Variants in NEUROD1 observed in about 807,000 individuals in gnomAD.
The protein encoded by NEUROD1 is neuronal differentiation 1.
NEUROD1 carries 9 observed loss-of-function variants against 21.8 expected under a neutral mutation model. The ratio of observed to expected loss-of-function variants is 0.41; its 90% CI spans 0.25 to 0.72. NEUROD1 has a LOEUF of 0.72. NEUROD1 is among the 30% of genes least tolerant of loss of function. The pLI is 0.31. For missense variants in NEUROD1, 434 were observed against 468.8 expected (o/e 0.93, Z 0.69); for synonymous variants, 199 against 186.2 (o/e 1.07, Z -0.56).
downstream of NEUROD1, among the ~76,000 whole-genome samples, chr2:181,668,403 CAG>C (rs1460444377): frequency 1.3e-5 from 2 of 152,198 alleles, no homozygotes; most frequent in Non-Finnish European, 2.9e-5. Flanking sequence ...ATTTTCCAGC[CAG>C]AGAGTCTGCC....
chr2:181,676,959 A>G lies in NEUROD1; in HGVS notation c.*831T>C, dbSNP rs1453265323. 6.6e-6 allele frequency: 1 copy of G among 152,504 alleles called. No individual in the cohort carries two copies. The highest frequency in any genetic ancestry group is 3.2e-3 in the Middle Eastern group (1 of 316). 9.4% of individuals were successfully genotyped at this position (152,504 alleles called of 1,614,324 possible). Reference sequence around the variant, plus strand: ...ATGTTGGCATTTATTTATAATATGTATATACAAGCTTGTGCAAGTAATGTG... The same window carrying G: ...ATGTTGGCATTTATTTATAATATGTGTATACAAGCTTGTGCAAGTAATGTG... On this transcript the variant is annotated 3_prime_UTR_variant, in exon 2 of 2. Transcript: ENST00000295108.
rs1164922363 is a variant in NEUROD1 at position 181,678,650 on chromosome 2, C to G, written c.211G>C (p.Glu71Gln). The G allele has an allele frequency of 6.2e-7, 1 of 1,613,206 alleles. No individual in the cohort carries two copies. The highest frequency in any genetic ancestry group is 2.2e-5 in the East Asian group (1 of 44,876). Reference sequence around the variant, plus strand: ...TGATCGTCATCCTCCTCTTCCTCTTCTTCCTCCTCTTCCAGGTCCTCATCT... The same window carrying G: ...TGATCGTCATCCTCCTCTTCCTCTTGTTCCTCCTCTTCCAGGTCCTCATCT... Reference protein sequence around the residue: ...DEDEDLEEEEEEEEEDDDQKP... With the variant: ...DEDEDLEEEEQEEEEDDDQKP... Residue 71 changes from glutamate (E) to glutamine (Q), a missense_variant, in exon 2 of 2, where the codon GAA becomes CAA. Coordinates refer to ENST00000295108, the MANE Select transcript of NEUROD1 (RefSeq NM_002500.5). This position sits in a 1 kb window ranked among gnomAD's most constrained non-coding sequence, Gnocchi z 5.5.
At chr2:181,671,253 C>T (rs970085245) in exon 2 of NEUROD1, among the ~76,000 whole-genome samples, 4 of 152,044 alleles carry the variant, frequency 2.6e-5, no homozygotes, top group African/African-American at 9.7e-5. Flanking sequence ...GGTATCTAAA[C>T]AAGTAGCCTT....
chr2:181,677,751 G>A lies in NEUROD1; in HGVS notation c.*39C>T. 1.2e-6 allele frequency: 2 copies of A among 1,613,880 alleles called. No homozygotes were observed. The highest frequency in any genetic ancestry group is 1.7e-6 in the Non-Finnish European group (2 of 1,180,038). ...AAACACGACAGTCACTGTAAGCACA[G>A]TGGGTTCGTTTCCCGGAAATGGTGA... On this transcript the variant is annotated 3_prime_UTR_variant, in exon 2 of 2. Transcript: ENST00000295108.
chr2:181,679,073 A>G (rs1408629404), intron 1 of NEUROD1, among the ~76,000 whole-genome samples: 1 of 152,214 alleles, frequency 6.6e-6, no homozygotes, highest in African/African-American at 2.4e-5. Context: ...GCTAGTACGT[A>G]GGAGTGAGGA....
downstream of NEUROD1, chr2:181,673,516 G>A (rs1045423903): frequency 1.3e-5 from 2 of 152,190 alleles, no homozygotes; most frequent in African/African-American, 4.8e-5. Flanking sequence ...TCCACAAGAT[G>A]TTGCATTGGC....
rs576280984 is a variant in NEUROD1 at position 181,678,838 on chromosome 2, C to A, written c.23G>T (p.Ser8Ile). The A allele has an allele frequency of 6.2e-7, 1 of 1,614,092 alleles. No homozygotes were observed. Among genetic ancestry groups the A allele is most frequent in the South Asian group, 1.1e-5 (1 of 91,078 alleles). The change falls in exon 2 of 2, where the codon AGT becomes ATT. Residue 8 changes from serine (S) to isoleucine (I), a missense_variant. Coordinates refer to ENST00000295108, the MANE Select transcript of NEUROD1 (RefSeq NM_002500.5). The surrounding 1 kb of genome is among the most constrained non-coding windows in gnomAD (Gnocchi z 5.5). The part of the protein sequence containing the change: MTKSYSE[S>I]GLMGEPQPQG... ...GGGCTGAGGCTCGCCCATCAGCCCA[C>A]TCTCGCTGTACGATTTGGTCATGTT...
rs753690348 is a variant in NEUROD1, at chr2:181,678,825, G to A, written c.36C>T (p.Gly12=). ...TTGGAGGACCTTGGGGCTGAGGCTC[G>A]CCCATCAGCCCACTCTCGCTGTACG... ...TKSYSESGLM[G]EPQPQGPPSW... The change falls in exon 2 of 2, where the codon GGC becomes GGT. Residue 12 remains glycine (G), a synonymous_variant. Transcript: ENST00000295108. The surrounding 1 kb of genome is among the most constrained non-coding windows in gnomAD (Gnocchi z 5.5). 6.2e-6 allele frequency: 10 copies of A among 1,613,868 alleles called. No individual in the cohort carries two copies. The highest frequency in any genetic ancestry group is 1.7e-5 in the Admixed American group (1 of 59,996).
exon 2 of NEUROD1, among the ~76,000 whole-genome samples, chr2:181,670,752 C>T (rs761121847): frequency 1.3e-5 from 2 of 152,088 alleles, no homozygotes; most frequent in African/African-American, 2.4e-5. Flanking sequence ...AGACACATCA[C>T]TCCAGTCTCT....
At chr2:181,672,457 A>G (rs1360137624), downstream of NEUROD1, among the ~76,000 whole-genome samples, 1 of 152,214 alleles carries the variant, frequency 6.6e-6, no homozygotes, top group Non-Finnish European at 1.5e-5. Context: ...TCTAAGCACC[A>G]GAGGAACAGC....
Position 181,678,227 on chromosome 2 carries a change from C to G in NEUROD1, c.634G>C (p.Ala212Pro). 1 of 1,614,098 alleles carries G rather than the reference C, an allele frequency of 6.2e-7. No homozygotes were observed. Among genetic ancestry groups the G allele is most frequent in the Non-Finnish European group, 8.5e-7 (1 of 1,180,026 alleles). The change falls in exon 2 of 2, where the codon GCT becomes CCT. Residue 212 changes from alanine to proline, a missense_variant. Ala to Pro is a conservative substitution (Grantham distance 27). Coordinates refer to ENST00000295108, the MANE Select transcript of NEUROD1 (RefSeq NM_002500.5). The surrounding 1 kb of genome is among the most constrained non-coding windows in gnomAD (Gnocchi z 5.5). ...DMPPHLPTAS[A>P]SFPVHPYSYQ... ...GAGTAGGGGTGTACAGGGAAGGAAGCGCTGGCCGTCGGCAGGTGGGGGGGC... is the reference window on the plus strand; with the variant it reads ...GAGTAGGGGTGTACAGGGAAGGAAGGGCTGGCCGTCGGCAGGTGGGGGGGC...
chr2:181,679,916 CT>C (rs1240692646), intron 1 of NEUROD1, among the ~76,000 whole-genome samples: 1 of 152,214 alleles, frequency 6.6e-6, no homozygotes, highest in Non-Finnish European at 1.5e-5. Context: ...CCTTTCTCCA[CT>C]TTCCCCCCTC....
rs144848370 is a variant in NEUROD1 at position 181,679,635 on chromosome 2, G to A, written c.-11-764C>T. ...GGCGCAGAGCGCTCTCCCACGCGCC[G>A]GGGATCAGGTGCGGAAGGCTCCTCT... On this transcript the variant is annotated intron_variant, in intron 1 of 1. Coordinates refer to ENST00000295108, the MANE Select transcript of NEUROD1 (RefSeq NM_002500.5). Among the ~76,000 whole-genome samples the A allele has an allele frequency of 3.0e-3, 452 of 152,364 alleles. 4 individuals are homozygous for A. Among genetic ancestry groups the A allele is most frequent in the African/African-American group, 0.01 (422 of 41,594 alleles).
downstream of NEUROD1, chr2:181,673,614 G>T (rs1054922814): frequency 6.6e-6 from 1 of 152,220 alleles, no homozygotes; most frequent in East Asian, 1.9e-4. Flanking sequence ...GAGAAAAGGA[G>T]AAGTGAGGAG....
At chr2:181,674,830 T>C (rs919041639), downstream of NEUROD1, among the ~76,000 whole-genome samples, 6 of 152,194 alleles carry the variant, frequency 3.9e-5, no homozygotes, top group Admixed American at 2.6e-4. Context: ...ACCTAACTTT[T>C]AGTCTTCATT....
rs186964452 is a variant in NEUROD1, at chr2:181,677,464, T to C, written c.*326A>G. 2 of 236,892 alleles carry C rather than the reference T, an allele frequency of 8.4e-6. No homozygotes were observed. Among genetic ancestry groups the C allele is most frequent in the African/African-American group, 4.5e-5 (2 of 44,410 alleles). The allele number at this position is 236,892 out of a possible 1,614,324, so 14.7% of individuals were successfully genotyped here. Reference sequence around the variant, plus strand: ...GTTTAAAAATTGCATAGATCCTAATTATTGCTTGTGATTTTGTTATCCCGA... The same window carrying C: ...GTTTAAAAATTGCATAGATCCTAATCATTGCTTGTGATTTTGTTATCCCGA... On this transcript the variant is annotated 3_prime_UTR_variant, in exon 2 of 2. Coordinates refer to ENST00000295108, the MANE Select transcript of NEUROD1 (RefSeq NM_002500.5).
chr2:181,671,374 G>A (rs1688495656), exon 2 of NEUROD1, among the ~76,000 whole-genome samples: 1 of 151,944 alleles, frequency 6.6e-6, no homozygotes, highest in Non-Finnish European at 1.5e-5. Flanking sequence ...TATGTATTTA[G>A]GCACTGGCTA....
downstream of NEUROD1, among the ~76,000 whole-genome samples, chr2:181,674,516 C>A (rs564542812): frequency 3.8e-4 from 58 of 152,192 alleles, no homozygotes; most frequent in African/African-American, 1.4e-3. Flanking sequence ...TTTGAAAATG[C>A]CTTCCAAATA....
At position 181,676,637 on chromosome 2, in the gene NEUROD1, T is replaced by G. The variant is rs1688578315; in HGVS notation, c.*1153A>C. ...ACTGCATTTTACATGCAATAGCTAT[T>G]GTTCTAATTATGAATTAAATGGTTT... On this transcript the variant is annotated 3_prime_UTR_variant, in exon 2 of 2. Coordinates refer to ENST00000295108, the MANE Select transcript of NEUROD1 (RefSeq NM_002500.5). The G allele has an allele frequency of 6.6e-6, 1 of 152,644 alleles. No individual in the cohort carries two copies. Among genetic ancestry groups the G allele is most frequent in the Non-Finnish European group, 1.5e-5 (1 of 68,006 alleles). 9.5% of individuals were successfully genotyped at this position (152,644 alleles called of 1,614,324 possible). A position where few individuals can be genotyped will look rare whatever the true frequency, so the allele number is the denominator to read the frequency against.
Sources: allele counts gnomAD v4.1 joint callset (sites outside exome capture counted in the v4.1 genomes callset), GRCh38; gene constraint gnomAD v4.1.1; non-coding constraint Gnocchi (gnomAD v3.1); transcripts MANE v1.5; gene names NCBI Gene and HGNC (gene_info 2026-07-23, HGNC 2026-07-21).